The following GLIS3 variants were observed in gnomAD, a reference collection of about 807,000 sequenced individuals.
The protein encoded by GLIS3 is zinc finger protein GLIS3.
GLIS3 carries 53 observed loss-of-function variants against 78.6 expected under a neutral mutation model. That is an observed-to-expected ratio of 0.67 (90% CI 0.54 to 0.85). The LOEUF is 0.85. Among genes scored for constraint, GLIS3 ranks in the 40% least tolerant of loss-of-function variants. The pLI is 0.00. For missense variants in GLIS3, 1,703 were observed against 1,231.1 expected (o/e 1.38, Z -5.74); for synonymous variants, 684 against 509.9 (o/e 1.34, Z -4.60).
At chr9:4,143,917 C>T (rs1257298552) in intron 2 of GLIS3, among the ~76,000 whole-genome samples, 4 of 152,190 alleles carry the variant, frequency 2.6e-5, no homozygotes, top group African/African-American at 9.7e-5. Context: ...GATTTTCCAC[C>T]ATCTTCAGAA....
At chr9:4,343,914 T>C (rs1419608627) in intron 2 of GLIS3, among the ~76,000 whole-genome samples, 1 of 151,986 alleles carries the variant, frequency 6.6e-6, no homozygotes, top group Non-Finnish European at 1.5e-5. Context: ...GGGGCCTACC[T>C]GAGAGTGGAG....
chr9:4,417,754 T>C, the GLIS3 span, among the ~76,000 whole-genome samples: 1 of 152,234 alleles, frequency 6.6e-6, no homozygotes, highest in African/African-American at 2.4e-5. Context: ...AATTCCTGTT[T>C]CACCAACCAG....
At chr9:4,174,205 G>T (rs61635545) in intron 2 of GLIS3, among the ~76,000 whole-genome samples, 12,135 of 152,074 alleles carry the variant, frequency 0.08, 581 homozygotes, top group East Asian at 0.19. Flanking sequence ...GCAATAACAT[G>T]AATTTCTTCA....
At chr9:4,190,424 G>C (rs553484030) in intron 2 of GLIS3, among the ~76,000 whole-genome samples, 16 of 150,510 alleles carry the variant, frequency 1.1e-4, no homozygotes, top group Admixed American at 6.7e-4. Context: ...CTGGAAGAAA[G>C]GGTATCAGTG....
chr9:4,448,062 T>A, the GLIS3 span, among the ~76,000 whole-genome samples: 1 of 152,218 alleles, frequency 6.6e-6, no homozygotes, highest in South Asian at 2.1e-4. Flanking sequence ...TGTTTCTATC[T>A]GTACTCTGAT....
intron 2 of GLIS3, among the ~76,000 whole-genome samples, chr9:4,330,661 A>ATGGAGATGAAGAGAGG: frequency 6.6e-6 from 1 of 151,840 alleles, no homozygotes; most frequent in Admixed American, 6.5e-5. Context: ...GAAGGTTGAG[A>ATGGAGATGAAGAGAGG]TGGAGATGAA....
At chr9:3,995,122 C>A (rs1431050685) in intron 4 of GLIS3, among the ~76,000 whole-genome samples, 1 of 151,946 alleles carries the variant, frequency 6.6e-6, no homozygotes, top group African/African-American at 2.4e-5. Context: ...CTGGGAGGAG[C>A]AAAACCAAAC....
intron 9 of GLIS3, among the ~76,000 whole-genome samples, chr9:3,852,180 T>A (rs1819477108): frequency 6.6e-6 from 1 of 152,090 alleles, no homozygotes; most frequent in African/African-American, 2.4e-5. Flanking sequence ...GCTTGGAAAT[T>A]TAGACGTTTT....
chr9:3,871,999 G>A (rs1820999821), intron 8 of GLIS3, among the ~76,000 whole-genome samples: 1 of 152,132 alleles, frequency 6.6e-6, no homozygotes, highest in Admixed American at 6.5e-5. Flanking sequence ...TGAATGCTTT[G>A]CTGCTCTGAA....
chr9:4,304,763 A>C (rs1817185667), upstream of GLIS3, among the ~76,000 whole-genome samples: 1 of 152,200 alleles, frequency 6.6e-6, no homozygotes. Context: ...ACTCCTCCCC[A>C]ACTCACCTCA....
At chr9:4,135,414 A>C (rs1833330979) in intron 2 of GLIS3, among the ~76,000 whole-genome samples, 2 of 152,140 alleles carry the variant, frequency 1.3e-5, no homozygotes, top group African/African-American at 2.4e-5. Context: ...ATGAGTATGT[A>C]TGTTCTAATT....
intron 8 of GLIS3, among the ~76,000 whole-genome samples, chr9:3,874,129 T>C (rs918468690): frequency 1.3e-5 from 2 of 152,014 alleles, no homozygotes; most frequent in Non-Finnish European, 2.9e-5. Flanking sequence ...AGACTGAGAC[T>C]GGCAACTGGA....
intron 4 of GLIS3, among the ~76,000 whole-genome samples, chr9:4,040,745 G>A (rs535883848): frequency 2.0e-5 from 3 of 152,276 alleles, no homozygotes; most frequent in African/African-American, 7.2e-5. Context: ...ATGAAAAGAG[G>A]TGATGGAATG....
rs905575009 is a variant in GLIS3 at position 4,153,785 on chromosome 9, A to G, written c.389-27844T>C. On this transcript the variant is annotated intron_variant, in intron 2 of 10. Transcript: ENST00000381971. ...TTAAATGCTTATTCACATGACTTGT[A>G]TACATGTTCTGATTATCTACTGCTA... Among the ~76,000 whole-genome samples the G allele has an allele frequency of 2.0e-5, 3 of 152,388 alleles. 1 individual carries two copies. The highest frequency in any genetic ancestry group is 3.4e-3 in the Middle Eastern group (1 of 294).
intron 6 of GLIS3, among the ~76,000 whole-genome samples, chr9:3,907,600 CCCCAA>C (rs1823799505): frequency 8.3e-6 from 1 of 120,284 alleles, no homozygotes; most frequent in Non-Finnish European, 1.8e-5. Flanking sequence ...ATCCTCCACC[CCCCAA>C]ACACACACAC....
intron 3 of GLIS3, among the ~76,000 whole-genome samples, chr9:4,309,706 G>A (rs1355348000): frequency 6.6e-6 from 1 of 151,858 alleles, no homozygotes; most frequent in African/African-American, 2.4e-5. Context: ...TTCCATATGT[G>A]TTTTATTTAC....
intron 1 of GLIS3, among the ~76,000 whole-genome samples, chr9:4,288,364 C>A (rs1365264892): frequency 2.0e-5 from 3 of 152,146 alleles, no homozygotes; most frequent in Non-Finnish European, 4.4e-5. Flanking sequence ...GTCACATTGG[C>A]AACTTTTTTA....
chr9:4,066,937 C>T (rs1175048295), intron 4 of GLIS3, among the ~76,000 whole-genome samples: 1 of 152,202 alleles, frequency 6.6e-6, no homozygotes, highest in Non-Finnish European at 1.5e-5. Flanking sequence ...AGGCAGGGAG[C>T]TTCTTGTTCA....
chr9:4,318,152 T>A (rs577216423), intron 2 of GLIS3, among the ~76,000 whole-genome samples: 1,908 of 152,202 alleles, frequency 0.013, 45 homozygotes, highest in African/African-American at 0.044. Context: ...GGAGCCAGGG[T>A]CTTGCTGCGG....
Sources: gnomAD v4.1 joint callset for allele counts (sites outside exome capture counted in the v4.1 genomes callset) on GRCh38, gnomAD v4.1.1 for gene constraint, MANE v1.5 for transcripts, NCBI Gene and HGNC (gene_info 2026-07-23, HGNC 2026-07-21) for gene names.